Variants in TENM3 observed in about 807,000 individuals in gnomAD.
TENM3 encodes teneurin transmembrane protein 3.
A neutral mutation model predicts 255.1 loss-of-function variants in TENM3; 63 were observed. That is an observed-to-expected ratio of 0.25 (90% CI 0.20 to 0.30). The LOEUF is 0.30. Among genes scored for constraint, TENM3 ranks in the 10% least tolerant of loss-of-function variants. The pLI, the probability that TENM3 is intolerant of heterozygous loss-of-function variation, is 1.00. For missense variants in TENM3, 2,929 were observed against 3,461.1 expected, an observed-to-expected ratio of 0.85 and a Z score of 3.86; for synonymous variants, 1,306 against 1,322.3, an observed-to-expected ratio of 0.99 and a Z score of 0.27.
At chr4:182,323,497 T>C (rs181049717) in intron 1 of TENM3, among the ~76,000 whole-genome samples, 1 of 152,012 alleles carries the variant, frequency 6.6e-6, no homozygotes, top group East Asian at 1.9e-4. Context: ...TCCTGCTCTT[T>C]AGAATACATT....
intron 3 of TENM3, among the ~76,000 whole-genome samples, chr4:182,502,173 TC>T (rs1171825156): frequency 6.6e-6 from 1 of 152,178 alleles, no homozygotes; most frequent in Non-Finnish European, 1.5e-5. Context: ...TTGTCATTCT[TC>T]CTTGATTATA....
At chr4:181,880,373 G>A in the TENM3 span, among the ~76,000 whole-genome samples, 25 of 152,120 alleles carry the variant, frequency 1.6e-4, no homozygotes, top group African/African-American at 5.3e-4. Context: ...AATAACACAT[G>A]CAAATAATAA....
At chr4:182,663,472 A>T (rs1447614833) in intron 6 of TENM3, among the ~76,000 whole-genome samples, 1 of 152,212 alleles carries the variant, frequency 6.6e-6, no homozygotes, top group African/African-American at 2.4e-5. Context: ...TGAAATATAA[A>T]TGTGTTAAAC....
chr4:182,313,350 T>C, intron 1 of TENM3, among the ~76,000 whole-genome samples: 1 of 151,954 alleles, frequency 6.6e-6, no homozygotes, highest in East Asian at 1.9e-4. Context: ...TTATTCATGA[T>C]AATTCATCCA....
At chr4:181,860,603 T>C in the TENM3 span, among the ~76,000 whole-genome samples, 1 of 152,192 alleles carries the variant, frequency 6.6e-6, no homozygotes, top group African/African-American at 2.4e-5. Flanking sequence ...CATGTTTGAG[T>C]AGACCCTACG....
the TENM3 span, among the ~76,000 whole-genome samples, chr4:181,510,810 CT>C: frequency 2.6e-3 from 395 of 152,272 alleles, 2 homozygotes; most frequent in South Asian, 9.7e-3. Context: ...AAGGTTCATC[CT>C]TTTTCTCACT....
rs1483504922 is a variant in TENM3, at chr4:182,579,182, G to C, written c.512-21742G>C. Among the ~76,000 whole-genome samples, 14 of 152,244 alleles carry C rather than the reference G, an allele frequency of 9.2e-5. No individual in the cohort carries two copies. The East Asian group carries it at 1.4e-3, about 15-fold the overall frequency. ...CAGCGGTGAACCATTGTTGGTTCTA[G>C]ACAAAAAACAAAGTTTTGAAAATGC... On this transcript the variant is annotated intron_variant, in intron 3 of 27. Transcript: ENST00000511685.
At chr4:181,565,816 A>G in the TENM3 span, among the ~76,000 whole-genome samples, 1 of 152,242 alleles carries the variant, frequency 6.6e-6, no homozygotes, top group East Asian at 1.9e-4. Context: ...ATGTTAGTGC[A>G]TATTAATACA....
the TENM3 span, among the ~76,000 whole-genome samples, chr4:181,801,651 A>AATATATATATATATAT: frequency 3.1e-4 from 25 of 80,920 alleles, no homozygotes; most frequent in South Asian, 8.2e-4. Flanking sequence ...AGAATTGTAA[A>AATATATATATATATAT]ATATATATAT....
At chr4:182,046,139 C>T in the TENM3 span, among the ~76,000 whole-genome samples, 2 of 151,976 alleles carry the variant, frequency 1.3e-5, no homozygotes, top group Admixed American at 1.3e-4. Flanking sequence ...TACCTTTTTG[C>T]TTTCAGTTTT....
intron 3 of TENM3, among the ~76,000 whole-genome samples, chr4:182,369,955 G>A (rs1766693040): frequency 6.6e-6 from 1 of 152,050 alleles, no homozygotes; most frequent in Non-Finnish European, 1.5e-5. Flanking sequence ...TAAGAGATCT[G>A]GTTTCTTATT....
At chr4:181,777,090 T>C in the TENM3 span, among the ~76,000 whole-genome samples, 72 of 152,260 alleles carry the variant, frequency 4.7e-4, no homozygotes, top group Admixed American at 8.5e-4. Context: ...TTAATCCATC[T>C]TAAGTTAATT....
chr4:181,610,768 G>A, the TENM3 span, among the ~76,000 whole-genome samples: 2 of 152,002 alleles, frequency 1.3e-5, no homozygotes, highest in Non-Finnish European at 2.9e-5. Context: ...TCAGATGAGC[G>A]GACATCAAGC....
At chr4:182,109,451 C>T in the TENM3 span, among the ~76,000 whole-genome samples, 1 of 151,866 alleles carries the variant, frequency 6.6e-6, no homozygotes, top group Admixed American at 6.6e-5. Context: ...AACTTATTCT[C>T]ACTATGACAG....
At chr4:181,486,524 C>T in the TENM3 span, among the ~76,000 whole-genome samples, 8 of 152,212 alleles carry the variant, frequency 5.3e-5, no homozygotes, top group African/African-American at 1.7e-4. Context: ...TTAGCTTGCA[C>T]TTGGCTTATC....
chr4:181,871,539 G>A, the TENM3 span, among the ~76,000 whole-genome samples: 50 of 151,966 alleles, frequency 3.3e-4, no homozygotes, highest in East Asian at 3.3e-3. Context: ...CAAACTTTAT[G>A]CCTTTTATGT....
chr4:182,203,723 G>C (rs1754357239), intron 1 of TENM3, among the ~76,000 whole-genome samples: 1 of 152,172 alleles, frequency 6.6e-6, no homozygotes, highest in Non-Finnish European at 1.5e-5. Flanking sequence ...ATTTGCTACA[G>C]TTCTTGCTCC....
At chr4:181,832,909 C>G in the TENM3 span, among the ~76,000 whole-genome samples, 1 of 152,078 alleles carries the variant, frequency 6.6e-6, no homozygotes, top group African/African-American at 2.4e-5. Flanking sequence ...GGACCGTGCT[C>G]CAGAAGATGA....
intron 24 of TENM3, among the ~76,000 whole-genome samples, chr4:182,775,979 TTA>T (rs1554035562): frequency 1.3e-5 from 2 of 151,614 alleles, no homozygotes; most frequent in African/African-American, 2.4e-5. Flanking sequence ...GATAGATAGA[TTA>T]TATATATATA....
Sources: allele counts gnomAD v4.1 joint callset (sites outside exome capture counted in the v4.1 genomes callset), GRCh38; gene constraint gnomAD v4.1.1; transcripts MANE v1.5; gene names NCBI Gene and HGNC (gene_info 2026-07-23, HGNC 2026-07-21).